The following CDH13 variants were observed in gnomAD, a reference collection of about 807,000 sequenced individuals.
CDH13 encodes cadherin 13.
In CDH13, 24 loss-of-function variants were observed where a neutral mutation model predicts 63.8. That is an observed-to-expected ratio of 0.38 (90% confidence interval 0.27 to 0.53). The LOEUF is 0.53. CDH13 is among the 20% of genes least tolerant of loss of function. The pLI, the probability that CDH13 is intolerant of heterozygous loss-of-function variation, is 0.85. For missense variants in CDH13, 1,049 were observed against 903.1 expected, an observed-to-expected ratio of 1.16 and a Z score of -2.07; for synonymous variants, 503 against 355.3, an observed-to-expected ratio of 1.42 and a Z score of -4.67.
At chr16:82,737,904 GC>G (rs2033753885) in intron 1 of CDH13, among the ~76,000 whole-genome samples, 1 of 152,190 alleles carries the variant, frequency 6.6e-6, no homozygotes, top group African/African-American at 2.4e-5. Context: ...CATAATCAAG[GC>G]TTCCAATATC....
Position 83,387,318 on chromosome 16 carries a change from A to G in CDH13, c.781+42312A>G, listed in dbSNP as rs149433069. 4.8e-3 allele frequency among the ~76,000 whole-genome samples: 726 copies of G among 152,302 alleles called. 10 individuals are homozygous for G. The highest frequency in any genetic ancestry group is 0.017 in the African/African-American group (705 of 41,580). On this transcript the variant is annotated intron_variant, in intron 6 of 13. Coordinates refer to ENST00000567109, the MANE Select transcript of CDH13 (RefSeq NM_001257.5). The stretch of plus-strand genomic sequence containing the variant: ...TTAAGATGTGAACTGGAAAGTTCTT[A>G]TTCTCCACTGAGAACTAATTGCCTG...
At chr16:82,670,044 C>G (rs990402042) in intron 1 of CDH13, among the ~76,000 whole-genome samples, 1 of 152,314 alleles carries the variant, frequency 6.6e-6, no homozygotes, top group East Asian at 1.9e-4. Flanking sequence ...GAAAGCAGCC[C>G]CTGTTGGATA....
rs2033888765 is a variant in CDH13, at chr16:83,091,174, CTCT to C, written c.367-34203_367-34201del. 1.2e-4 allele frequency among the ~76,000 whole-genome samples: 19 copies of C among 152,106 alleles called. No homozygotes were observed. In the South Asian group the frequency reaches 3.7e-3, roughly 30 times the overall value. ...TAGTGATCTCCTTCTTCCTTTCTCTCTCTTCTTCTTTCTTCCTTCTTTCCTTCC... is the reference window on the plus strand; with the variant it reads ...TAGTGATCTCCTTCTTCCTTTCTCTCTCTTCTTTCTTCCTTCTTTCCTTCC... On this transcript the variant is annotated intron_variant, in intron 3 of 13. Coordinates refer to ENST00000567109, the MANE Select transcript of CDH13 (RefSeq NM_001257.5).
At chr16:82,979,314 G>A (rs965956217) in intron 2 of CDH13, among the ~76,000 whole-genome samples, 3 of 152,154 alleles carry the variant, frequency 2.0e-5, no homozygotes, top group African/African-American at 7.2e-5. Flanking sequence ...TGTTGGGAGG[G>A]CAGAATTGTC....
chr16:83,110,609 C>G (rs2035011244), intron 3 of CDH13, among the ~76,000 whole-genome samples: 1 of 152,186 alleles, frequency 6.6e-6, no homozygotes. Flanking sequence ...CTATACATTA[C>G]TCACTCATGT....
chr16:83,725,678 G>A (rs144350883), intron 10 of CDH13: 7 of 152,366 alleles, frequency 4.6e-5, no homozygotes, highest in African/African-American at 1.7e-4. Context: ...AAGCAGGCAA[G>A]TTTGGGAACA....
At chr16:83,120,763 C>CTTTCTTTTTTTTTT (rs2035531682) in intron 3 of CDH13, among the ~76,000 whole-genome samples, 1 of 60,226 alleles carries the variant, frequency 1.7e-5, no homozygotes. Context: ...AATTTTCTTT[C>CTTTCTTTTTTTTTT]TTTTTTTTTT....
chr16:82,767,740 G>GCT (rs1441915332), intron 1 of CDH13, among the ~76,000 whole-genome samples: 1 of 152,148 alleles, frequency 6.6e-6, no homozygotes, highest in Non-Finnish European at 1.5e-5. Context: ...TTCTGCCTGA[G>GCT]CTCTCTCTCC....
intron 5 of CDH13, among the ~76,000 whole-genome samples, chr16:83,314,703 T>A (rs951779854): frequency 3.9e-5 from 6 of 152,226 alleles, no homozygotes; most frequent in African/African-American, 1.4e-4. Context: ...GATTCTGTAC[T>A]ATACTTAATA....
At chr16:83,617,342 A>G (rs112874874) in intron 8 of CDH13, among the ~76,000 whole-genome samples, 1 of 152,170 alleles carries the variant, frequency 6.6e-6, no homozygotes, top group Non-Finnish European at 1.5e-5. Context: ...TATGCTGCGT[A>G]TAAGTAATAC....
intron 7 of CDH13, among the ~76,000 whole-genome samples, chr16:83,498,216 C>T (rs2074193029): frequency 6.6e-6 from 1 of 152,124 alleles, no homozygotes; most frequent in African/African-American, 2.4e-5. Context: ...GAAGATTTCC[C>T]AGATGAGGGG....
intron 13 of CDH13, among the ~76,000 whole-genome samples, chr16:83,787,608 G>A (rs1397789057): frequency 6.6e-6 from 1 of 152,196 alleles, no homozygotes. Context: ...CACAAGCCCA[G>A]CACTGCCCAA....
intron 1 of CDH13, among the ~76,000 whole-genome samples, chr16:82,772,989 C>G (rs1275133205): frequency 6.6e-6 from 1 of 152,068 alleles, no homozygotes; most frequent in African/African-American, 2.4e-5. Flanking sequence ...GGAAAAAAAA[C>G]CATGTAGAGA....
intron 3 of CDH13, among the ~76,000 whole-genome samples, chr16:83,051,735 C>T (rs1177806516): frequency 6.6e-5 from 10 of 152,182 alleles, no homozygotes; most frequent in Non-Finnish European, 1.3e-4. Context: ...CCTCCTGCTA[C>T]CATCCCTGTA....
intron 8 of CDH13, among the ~76,000 whole-genome samples, chr16:83,646,035 G>T (rs1338298642): frequency 6.6e-6 from 1 of 152,146 alleles, no homozygotes; most frequent in Non-Finnish European, 1.5e-5. Context: ...GTTGGGAGAA[G>T]CCTTGGAGCT....
intron 3 of CDH13, among the ~76,000 whole-genome samples, chr16:83,113,807 G>A (rs778524516): frequency 5.9e-5 from 9 of 152,182 alleles, no homozygotes; most frequent in Admixed American, 3.9e-4. Context: ...TGGAGGGTGC[G>A]TGCAGCTGAG....
chr16:82,669,737 T>C (rs1019926879), intron 1 of CDH13, among the ~76,000 whole-genome samples: 4 of 152,204 alleles, frequency 2.6e-5, no homozygotes, highest in African/African-American at 9.7e-5. Flanking sequence ...TAAGCATATA[T>C]AATTGGACGG....
intron 7 of CDH13, among the ~76,000 whole-genome samples, chr16:83,544,675 A>C (rs953254693): frequency 1.1e-4 from 16 of 152,334 alleles, no homozygotes; most frequent in African/African-American, 3.8e-4. Context: ...AATGCATATC[A>C]CTTTCATACT....
chr16:83,149,065 C>T (rs139670206), intron 4 of CDH13, among the ~76,000 whole-genome samples: 2 of 152,280 alleles, frequency 1.3e-5, no homozygotes, highest in Admixed American at 6.5e-5. Context: ...CATAGTGGAA[C>T]ATTTAAGAAA....
Sources: gnomAD v4.1 joint callset for allele counts (sites outside exome capture counted in the v4.1 genomes callset) on GRCh38, gnomAD v4.1.1 for gene constraint, MANE v1.5 for transcripts, NCBI Gene and HGNC (gene_info 2026-07-23, HGNC 2026-07-21) for gene names.